Variants in GABBR2 observed in about 807,000 individuals in gnomAD.
The protein encoded by GABBR2 is G-protein coupled receptor 51.
GABBR2 carries 23 observed loss-of-function variants against 105.6 expected under a neutral mutation model. The observed-to-expected ratio is 0.22, with a 90% CI of 0.16 to 0.31. The LOEUF (loss-of-function observed/expected upper bound fraction) is 0.31, where lower values mean the gene tolerates loss of function less well. GABBR2 is among the 10% of genes least tolerant of loss of function. The probability of loss-of-function intolerance (pLI) is 1.00; values close to 1 mark genes in which losing one functional copy is unlikely to be tolerated. For synonymous variants in GABBR2, 478 were observed against 499.7 expected, an observed-to-expected ratio of 0.96 and a Z score of 0.58; for missense variants, 734 against 1,245.5, an observed-to-expected ratio of 0.59 and a Z score of 6.18.
At chr9:98,323,255 C>G (rs958919999) in intron 13 of GABBR2, among the ~76,000 whole-genome samples, 2 of 152,246 alleles carry the variant, frequency 1.3e-5, no homozygotes, top group Admixed American at 1.3e-4. Context: ...CGACAGTGCT[C>G]TCCTCCGCCT....
At chr9:98,673,749 A>G (rs6478810) in intron 1 of GABBR2, among the ~76,000 whole-genome samples, 141,591 of 152,192 alleles carry the variant, frequency 0.93, 66,002 homozygotes, top group African/African-American at 0.97. Context: ...GGGGCATAAC[A>G]GAGCATGGAA....
rs1830521771 is a variant in GABBR2 at position 98,679,953 on chromosome 9, C to A, written c.321+28464G>T. ...CTAAGCATAAAAATACACAAGTTTA[C>A]CTGCATCTTTGGGCCTTTGTTTCCT... On this transcript the variant is annotated intron_variant, in intron 1 of 18. Coordinates refer to ENST00000259455, the MANE Select transcript of GABBR2 (RefSeq NM_005458.8). 2.0e-5 allele frequency among the ~76,000 whole-genome samples: 3 copies of A among 152,318 alleles called. 1 individual carries two copies. Among genetic ancestry groups the A allele is most frequent in the Admixed American group, 2.0e-4 (3 of 15,302 alleles).
At chr9:98,511,978 C>G (rs575562654) in intron 3 of GABBR2, among the ~76,000 whole-genome samples, 6 of 152,194 alleles carry the variant, frequency 3.9e-5, no homozygotes, top group Non-Finnish European at 8.8e-5. Flanking sequence ...AGACCAATAT[C>G]CTTCATGAAC....
At chr9:98,327,639 C>T (rs974316944) in intron 13 of GABBR2, among the ~76,000 whole-genome samples, 20 of 152,018 alleles carry the variant, frequency 1.3e-4, no homozygotes, top group Admixed American at 3.9e-4. Context: ...GAGGCTGGGG[C>T]GGGCGGATCA....
chr9:98,366,344 C>T (rs921792213), intron 12 of GABBR2, among the ~76,000 whole-genome samples: 2 of 152,158 alleles, frequency 1.3e-5, no homozygotes, highest in African/African-American at 4.8e-5. Context: ...TTTAAATGAG[C>T]GTACCCTCAA....
intron 1 of GABBR2, among the ~76,000 whole-genome samples, chr9:98,610,080 A>G (rs1304832728): frequency 3.3e-5 from 5 of 152,188 alleles, no homozygotes; most frequent in Non-Finnish European, 5.9e-5. Flanking sequence ...CCCCTCTCCC[A>G]GATGCCTCAT....
chr9:98,418,691 A>G (rs923534562), intron 7 of GABBR2, among the ~76,000 whole-genome samples: 2 of 152,256 alleles, frequency 1.3e-5, no homozygotes, highest in Non-Finnish European at 2.9e-5. Context: ...TGCAGGGAAG[A>G]ATGGCTCCCA....
intron 1 of GABBR2, among the ~76,000 whole-genome samples, chr9:98,705,403 C>T (rs1055055082): frequency 6.6e-6 from 1 of 152,174 alleles, no homozygotes; most frequent in African/African-American, 2.4e-5. Context: ...ACCAGATTAA[C>T]CCATTCCTTG....
chr9:98,593,048 C>T (rs750757609), intron 1 of GABBR2, among the ~76,000 whole-genome samples: 4 of 152,082 alleles, frequency 2.6e-5, no homozygotes, highest in Admixed American at 1.3e-4. Context: ...GGTACAATCA[C>T]GGCTCACTGC....
At chr9:98,704,671 A>T (rs1381233315) in intron 1 of GABBR2, among the ~76,000 whole-genome samples, 1 of 152,158 alleles carries the variant, frequency 6.6e-6, no homozygotes, top group Non-Finnish European at 1.5e-5. Context: ...AGATGTTATT[A>T]TTTTTGTGTA....
chr9:98,435,438 G>A (rs922905647), intron 7 of GABBR2, among the ~76,000 whole-genome samples: 4 of 152,176 alleles, frequency 2.6e-5, no homozygotes, highest in South Asian at 2.1e-4. Context: ...TTCCTGAAGT[G>A]TGCCTTGAAT....
chr9:98,394,259 T>C lies in GABBR2; in HGVS notation c.1298-4A>G. 2.5e-6 allele frequency: 4 copies of C among 1,609,946 alleles called. No individual in the cohort carries two copies. Among genetic ancestry groups the C allele is most frequent in the Non-Finnish European group, 3.4e-6 (4 of 1,176,194 alleles). On this transcript the variant is annotated splice_polypyrimidine_tract_variant and splice_region_variant and intron_variant, in intron 8 of 18. Transcript: ENST00000259455. ...CCCACCTTCACCTCCCTGCTGTCTG[T>C]GGGGAGCAAAAGACAGTGGCCAGTT...
Position 98,290,552 on chromosome 9 carries a change from CG to C in GABBR2, c.*31del. 1.5e-6 allele frequency: 2 copies of C among 1,333,702 alleles called. No individual in the cohort carries two copies. The highest frequency in any genetic ancestry group is 1.9e-6 in the Non-Finnish European group (2 of 1,033,402). The allele number at this position is 1,333,702 out of a possible 1,614,324, so 82.6% of individuals were successfully genotyped here. On this transcript the variant is annotated 3_prime_UTR_variant, in exon 19 of 19. Coordinates refer to ENST00000259455, the MANE Select transcript of GABBR2 (RefSeq NM_005458.8). ...CCCTCTGCCCAGTGTGGTTCTGTCA[CG>C]GGGGAGGCCCCGGGCCCAGGCCTCC...
chr9:98,518,108 C>T (rs1249388228), intron 3 of GABBR2, among the ~76,000 whole-genome samples: 1 of 152,150 alleles, frequency 6.6e-6, no homozygotes. Context: ...TGGTTAGAGC[C>T]CGTGTGAAGC....
chr9:98,290,083 G>C lies in GABBR2; in HGVS notation c.*501C>G, dbSNP rs749176176. 1.3e-3 allele frequency: 206 copies of C among 152,594 alleles called. 1 individual carries two copies. Among genetic ancestry groups the C allele is most frequent in the Non-Finnish European group, 2.4e-3 (167 of 68,190 alleles). 9.5% of individuals were successfully genotyped at this position (152,594 alleles called of 1,614,324 possible). ...CTGGGGTCAGCTGGCCTGGCAGCTG[G>C]GGGCCTGGTGGCCCTTCCCACCTCC... is the stretch of plus-strand genomic sequence containing the variant. On this transcript the variant is annotated 3_prime_UTR_variant, in exon 19 of 19. Transcript: ENST00000259455.
chr9:98,499,623 T>C (rs1415140220), intron 3 of GABBR2, among the ~76,000 whole-genome samples: 1 of 152,224 alleles, frequency 6.6e-6, no homozygotes, highest in Non-Finnish European at 1.5e-5. Flanking sequence ...ATGTAATAGA[T>C]CTTCCTCACA....
chr9:98,388,893 C>A lies in GABBR2; in HGVS notation c.1490G>T (p.Ser497Ile). The A allele has an allele frequency of 1.2e-6, 2 of 1,613,830 alleles. No individual in the cohort carries two copies. The highest frequency in any genetic ancestry group is 2.2e-5 in the South Asian group (2 of 91,000). The change falls in exon 10 of 19, where the codon AGT (serine) becomes ATT (isoleucine). Residue 497 changes from serine (S) to isoleucine (I), a missense_variant. Around this residue, in one of 7 missense-constraint regions of GABBR2, gnomAD observed 370 missense variants for 648.9 expected, o/e 0.57. Transcript: ENST00000259455. The surrounding 1 kb of genome is among the most constrained non-coding windows in gnomAD (Gnocchi z 4.4). Reference sequence around the variant, plus strand: ...CTTGATGTTGAAGAAGAGAAAAGCACTGGCCATGATCATCCCGAGGATGGT... The same window carrying A: ...CTTGATGTTGAAGAAGAGAAAAGCAATGGCCATGATCATCCCGAGGATGGT... Reference protein sequence around the residue: ...ALTILGMIMASAFLFFNIKNR... With the variant: ...ALTILGMIMAIAFLFFNIKNR...
At chr9:98,590,219 C>G (rs548882137) in intron 1 of GABBR2, among the ~76,000 whole-genome samples, 1 of 152,274 alleles carries the variant, frequency 6.6e-6, no homozygotes, top group East Asian at 1.9e-4. Context: ...TTAACTCCAG[C>G]CATCTTGAGT....
chr9:98,490,461 A>G (rs1038675369), intron 4 of GABBR2, among the ~76,000 whole-genome samples: 3 of 152,152 alleles, frequency 2.0e-5, no homozygotes, highest in African/African-American at 7.2e-5. Context: ...ATTCATTTAG[A>G]CATTCATTTG....
Sources: gnomAD v4.1 joint callset for allele counts (sites outside exome capture counted in the v4.1 genomes callset) on GRCh38, gnomAD v4.1.1 for gene constraint, gnomAD v4.1.1 regional missense constraint, Gnocchi (gnomAD v3.1) non-coding constraint, MANE v1.5 for transcripts, NCBI Gene and HGNC (gene_info 2026-07-23, HGNC 2026-07-21) for gene names.